The following MKKS variants were observed in gnomAD, a reference collection of about 807,000 sequenced individuals.
The protein encoded by MKKS is MKKS centrosomal shuttling protein.
MKKS carries 29 observed loss-of-function variants against 33.2 expected under a neutral mutation model. The ratio of observed to expected loss-of-function variants is 0.87; its 90% CI spans 0.65 to 1.19. The LOEUF is 1.19. MKKS is among the 50% of genes most tolerant of loss of function. The probability of loss-of-function intolerance (pLI) is 0.00; values close to 1 mark genes in which losing one functional copy is unlikely to be tolerated. For missense variants in MKKS, 661 were observed against 662.3 expected, an observed-to-expected ratio of 1.00 and a Z score of 0.02; for synonymous variants, 260 against 244.0, an observed-to-expected ratio of 1.07 and a Z score of -0.61.
Position 10,408,818 on chromosome 20 carries a change from T to C in MKKS, c.986-15A>G, listed in dbSNP as rs757213052. ...AGGCTGTGTTCCTATTTTTTAAAGA[T>C]TAGAAAATACAAGTTGTATAAGCAA... On this transcript the variant is annotated splice_polypyrimidine_tract_variant and intron_variant, in intron 3 of 5. Transcript: ENST00000347364. 1 of 1,600,780 alleles carries C rather than the reference T, an allele frequency of 6.2e-7. No homozygotes were observed. Among genetic ancestry groups the C allele is most frequent in the Non-Finnish European group, 8.5e-7 (1 of 1,169,712 alleles).
chr20:10,424,582 CA>C (rs879861291), intron 1 of MKKS, among the ~76,000 whole-genome samples: 46 of 142,042 alleles, frequency 3.2e-4, no homozygotes, highest in African/African-American at 4.9e-4. Context: ...GCTAGTTTTA[CA>C]AAAAAAAAAA....
At chr20:10,414,689 A>T (rs1320083088) in intron 2 of MKKS, among the ~76,000 whole-genome samples, 1 of 152,210 alleles carries the variant, frequency 6.6e-6, no homozygotes, top group African/African-American at 2.4e-5. Context: ...GTGCATTTAT[A>T]TCAAGTCATG....
At chr20:10,424,091 C>A (rs1222918559) in intron 1 of MKKS, among the ~76,000 whole-genome samples, 1 of 152,130 alleles carries the variant, frequency 6.6e-6, no homozygotes, top group African/African-American at 2.4e-5. Context: ...TTTCACGTTA[C>A]AAACTATTTT....
rs1178289459 is a variant in MKKS, at chr20:10,404,304, T to A, written c.*943A>T. 4 of 152,014 alleles carry A rather than the reference T, an allele frequency of 2.6e-5. No homozygotes were observed. The highest frequency in any genetic ancestry group is 4.8e-5 in the African/African-American group (2 of 41,386). 9.4% of individuals were successfully genotyped at this position (152,014 alleles called of 1,614,324 possible). A position where few individuals can be genotyped will look rare whatever the true frequency, so the allele number is the denominator to read the frequency against. ...AGTCCTGCTAGAATACTCCTTATTG[T>A]CCTTCCTTTTTCTATCAGTCTATGG... On this transcript the variant is annotated 3_prime_UTR_variant, in exon 6 of 6. Transcript: ENST00000347364.
chr20:10,433,274 G>A (rs2065067752), intron 1 of MKKS, among the ~76,000 whole-genome samples: 1 of 152,194 alleles, frequency 6.6e-6, no homozygotes, highest in Non-Finnish European at 1.5e-5. Context: ...TAAAGTGCGG[G>A]GTTACAGGGG....
In MKKS at chr20:10,412,880, G is replaced by T; in HGVS notation, c.635C>A (p.Ser212Tyr). The change falls in exon 3 of 6, where the codon TCC becomes TAC. Residue 212 changes from serine to tyrosine, a missense_variant. Physicochemically the swap from Ser to Tyr is moderately radical, Grantham distance 144. Coordinates refer to ENST00000347364, the MANE Select transcript of MKKS (RefSeq NM_170784.3). ...VPLKGQRVID[S>Y]TVLPGILIEM... ...AATGAGTATCCCAGGTAATACAGTG[G>T]AATCTATAACTCTTTGACCTTTTAA... The T allele has an allele frequency of 6.2e-7, 1 of 1,614,044 alleles. No homozygotes were observed. The highest frequency in any genetic ancestry group is 8.5e-7 in the Non-Finnish European group (1 of 1,180,012).
chr20:10,422,460 G>A (rs1358054958), intron 1 of MKKS, among the ~76,000 whole-genome samples: 2 of 152,050 alleles, frequency 1.3e-5, no homozygotes, highest in African/African-American at 2.4e-5. Flanking sequence ...GGGAATTTAA[G>A]GGTACAATAA....
rs2064824299 is a variant in MKKS, at chr20:10,403,881, G to A, written c.*1366C>T. 1 of 152,158 alleles carries A rather than the reference G, an allele frequency of 6.6e-6. No individual in the cohort carries two copies. Among genetic ancestry groups the A allele is most frequent in the African/African-American group, 2.4e-5 (1 of 41,422 alleles). 9.4% of individuals were successfully genotyped at this position (152,158 alleles called of 1,614,324 possible). A position where few individuals can be genotyped will look rare whatever the true frequency, so the allele number is the denominator to read the frequency against. On this transcript the variant is annotated 3_prime_UTR_variant, in exon 6 of 6. Coordinates refer to ENST00000347364, the MANE Select transcript of MKKS (RefSeq NM_170784.3). Reference sequence around the variant, plus strand: ...GGGCTGATACCTAACATATATGGATGGCATTGCTGCTTGTATTGCTAGTTT... The same window carrying A: ...GGGCTGATACCTAACATATATGGATAGCATTGCTGCTTGTATTGCTAGTTT...
At position 10,413,187 on chromosome 20, in the gene MKKS, C is replaced by T. The variant is rs2064907717; in HGVS notation, c.328G>A (p.Gly110Ser). 4.3e-6 allele frequency: 7 copies of T among 1,614,108 alleles called. No individual in the cohort carries two copies. The highest frequency in any genetic ancestry group is 2.2e-5 in the East Asian group (1 of 44,876). Residue 110 changes from glycine to serine, a missense_variant, in exon 3 of 6, where the codon GGC becomes AGC. Coordinates refer to ENST00000347364, the MANE Select transcript of MKKS (RefSeq NM_170784.3). ...CNLIENVQRL[G>S]LTPTTVIRLN... Reference sequence around the variant, plus strand: ...CTAATGACAGTGGTGGGTGTCAAGCCTAATCTCTGAACATTTTCAATCAGG... The same window carrying T: ...CTAATGACAGTGGTGGGTGTCAAGCTTAATCTCTGAACATTTTCAATCAGG...
chr20:10,412,488 ATTTATT>A, intron 3 of MKKS, 36 bp downstream of exon 3: 1 of 1,600,850 alleles, frequency 6.2e-7, no homozygotes, highest in Non-Finnish European at 8.5e-7. Flanking sequence ...AAAAAGTGTG[ATTTATT>A]AACTGTAAGA....
chr20:10,412,398 T>G, intron 3 of MKKS, 132 bp downstream of exon 3: 1 of 902,992 alleles, frequency 1.1e-6, no homozygotes, highest in South Asian at 1.4e-5. Context: ...AAACCTTTGC[T>G]GCCAGAAATG....
At chr20:10,416,958 T>C (rs986443909) in intron 2 of MKKS, among the ~76,000 whole-genome samples, 2 of 152,110 alleles carry the variant, frequency 1.3e-5, no homozygotes, top group East Asian at 3.8e-4. Flanking sequence ...GCCTAAAATA[T>C]TTACTATCTG....
At position 10,412,594 on chromosome 20, in the gene MKKS, C is replaced by A. The variant is rs1172627350; in HGVS notation, c.921G>T (p.Met307Ile). 3 of 1,614,058 alleles carry A rather than the reference C, an allele frequency of 1.9e-6. No homozygotes were observed. The highest frequency in any genetic ancestry group is 4.5e-5 in the East Asian group (2 of 44,874). Residue 307 changes from methionine (M) to isoleucine (I), a missense_variant, in exon 3 of 6, where the codon ATG becomes ATT. Met to Ile is a conservative substitution (Grantham distance 10). Transcript: ENST00000347364. ...TTCTGTCTATGGCAATAATACGATG[C>A]ATATTGAGAAACTGCTTCAAAGATG... ...IHPSLKQFLN[M>I]HRIIAIDRIG...
intron 5 of MKKS, among the ~76,000 whole-genome samples, chr20:10,406,312 C>A (rs985240368): frequency 6.6e-6 from 1 of 152,184 alleles, no homozygotes; most frequent in Non-Finnish European, 1.5e-5. Flanking sequence ...TAGCCATGCA[C>A]CACATACCAA....
At chr20:10,418,326 C>T (rs6108565) in intron 2 of MKKS, among the ~76,000 whole-genome samples, 21,919 of 152,102 alleles carry the variant, frequency 0.14, 1,770 homozygotes, top group East Asian at 0.24. Flanking sequence ...GGCAAAAGGC[C>T]ATTAACTATT....
Position 10,413,129 on chromosome 20 carries a change from CTGA to C in MKKS, c.383_385del (p.Ile128del), listed in dbSNP as rs2064906990. 6.2e-7 allele frequency: 1 copy of C among 1,613,958 alleles called. No individual in the cohort carries two copies. The highest frequency in any genetic ancestry group is 1.7e-5 in the Admixed American group (1 of 60,006). ...ACCACAGGTCTCAGACTTGAGATAA[CTGA>C]TGCAAAGACTCAAAAGATGTTTATT... On this transcript the variant is annotated inframe_deletion, in exon 3 of 6. Transcript: ENST00000347364.
chr20:10,405,092 C>CT lies in MKKS; in HGVS notation c.*154dup, dbSNP rs1050508251. On this transcript the variant is annotated 3_prime_UTR_variant, in exon 6 of 6. Coordinates refer to ENST00000347364, the MANE Select transcript of MKKS (RefSeq NM_170784.3). ...CATGGCATTTCCATTCACGAATCAC[C>CT]TTTTTTCCTAAATAAGTGTATCTAT... 5.3e-5 allele frequency: 30 copies of CT among 562,810 alleles called. No homozygotes were observed. The highest frequency in any genetic ancestry group is 4.9e-4 in the African/African-American group (26 of 53,388). The allele number at this position is 562,810 out of a possible 1,614,324, so 34.9% of individuals were successfully genotyped here.
intron 4 of MKKS, 140 bp downstream of exon 4, chr20:10,408,484 GCTTA>G (rs2064858362): frequency 3.8e-6 from 3 of 784,974 alleles, no homozygotes; most frequent in African/African-American, 1.7e-5. Context: ...ATTTAAATTA[GCTTA>G]CTTGTGACTT....
At chr20:10,410,053 A>C (rs149102984) in intron 3 of MKKS, among the ~76,000 whole-genome samples, 9 of 151,860 alleles carry the variant, frequency 5.9e-5, no homozygotes, top group Non-Finnish European at 7.4e-5. Flanking sequence ...TATAGAATAT[A>C]ATCACTAAAC....
Sources: allele counts gnomAD v4.1 joint callset (sites outside exome capture counted in the v4.1 genomes callset), GRCh38; gene constraint gnomAD v4.1.1; transcripts MANE v1.5; gene names NCBI Gene and HGNC (gene_info 2026-07-23, HGNC 2026-07-21).